Variants in SACM1L observed in about 807,000 individuals in gnomAD.
SACM1L encodes phosphatidylinositol-3-phosphatase SAC1.
In SACM1L, 32 loss-of-function variants were observed where a neutral mutation model predicts 89.5. The observed-to-expected ratio is 0.36, with a 90% CI of 0.27 to 0.48. SACM1L has a LOEUF of 0.48. SACM1L is among the 20% of genes least tolerant of loss of function. SACM1L has a pLI of 0.99. For missense variants in SACM1L, 543 were observed against 708.5 expected, an observed-to-expected ratio of 0.77 and a Z score of 2.65; for synonymous variants, 213 against 232.8, an observed-to-expected ratio of 0.92 and a Z score of 0.77.
At chr3:45,727,752 C>T (rs549561000) in intron 11 of SACM1L, among the ~76,000 whole-genome samples, 7 of 152,290 alleles carry the variant, frequency 4.6e-5, no homozygotes, top group South Asian at 2.1e-4. Context: ...CCCACCACCA[C>T]ACCTGGCTGA....
chr3:45,706,872 T>TA lies in SACM1L; in HGVS notation c.299dup (p.Tyr100Ter). 1 of 1,613,374 alleles carries TA rather than the reference T, an allele frequency of 6.2e-7. No homozygotes were observed. The highest frequency in any genetic ancestry group is 8.5e-7 in the Non-Finnish European group (1 of 1,179,600). ...WKATDFDVLS[Y>*]KKTMLHLTDI... is the part of the protein sequence containing the mutation. ...AGCAACAGATTTTGATGTCCTTTCT[T>TA]ATAAGAAGACAATGTTGCACTTAAC... is the stretch of plus-strand genomic sequence containing the variant. Residue 100 changes from tyrosine (Y) to a stop codon, truncating the protein, a stop_gained and frameshift_variant, in exon 4 of 20, where the codon TAT becomes TAAT. Transcript: ENST00000389061. LOFTEE classifies it high-confidence loss of function.
intron 11 of SACM1L, among the ~76,000 whole-genome samples, chr3:45,724,137 T>G (rs1027132615): frequency 6.6e-6 from 1 of 152,220 alleles, no homozygotes; most frequent in African/African-American, 2.4e-5. Flanking sequence ...TTTAGGCTTA[T>G]ACTTAGAAGT....
rs77455871 is a variant in SACM1L at position 45,708,767 on chromosome 3, T to C, written c.334-731T>C. The stretch of plus-strand genomic sequence containing the variant: ...CATGTCTGAGCACAAATAAAAAATT[T>C]TGTATATGTAGATTTGTAACATGTA... On this transcript the variant is annotated intron_variant, in intron 4 of 19. Coordinates refer to ENST00000389061, the MANE Select transcript of SACM1L (RefSeq NM_014016.5). 5.4e-3 allele frequency among the ~76,000 whole-genome samples: 816 copies of C among 152,290 alleles called. 57 individuals carry two copies. In the East Asian group the frequency reaches 0.13, roughly 24 times the overall value.
intron 13 of SACM1L, 68 bp from the exon 14 acceptor site, chr3:45,735,167 A>G (rs191927433): frequency 2.1e-5 from 30 of 1,405,698 alleles, no homozygotes; most frequent in East Asian, 7.0e-5. Flanking sequence ...GACCCATGTT[A>G]TAAGAGTTAA....
chr3:45,732,479 TTTG>T lies in SACM1L; in HGVS notation c.1100+334_1100+336del, dbSNP rs577002473. On this transcript the variant is annotated intron_variant, in intron 13 of 19. Transcript: ENST00000389061. ...CCACTAGACATTCTATCACAAGTATTTTGTTGTTAACCTGTACAGCGTCTGTAA... is the reference window on the plus strand; with the variant it reads ...CCACTAGACATTCTATCACAAGTATTTTGTTAACCTGTACAGCGTCTGTAA... Among the ~76,000 whole-genome samples, 191 of 152,302 alleles carry T rather than the reference TTTG, an allele frequency of 1.3e-3. 1 individual carries two copies. The highest frequency in any genetic ancestry group is 3.7e-3 in the Admixed American group (57 of 15,292).
At chr3:45,706,167 A>AT (rs1036876143) in intron 3 of SACM1L, among the ~76,000 whole-genome samples, 4 of 152,210 alleles carry the variant, frequency 2.6e-5, no homozygotes, top group African/African-American at 9.6e-5. Context: ...TGAAGAATTA[A>AT]TTGAGTAGGA....
In SACM1L at chr3:45,714,090, A is replaced by G. The variant is rs1252652035; in HGVS notation, c.577+11A>G. On this transcript the variant is annotated intron_variant, in intron 7 of 19. Coordinates refer to ENST00000389061, the MANE Select transcript of SACM1L (RefSeq NM_014016.5). The stretch of plus-strand genomic sequence containing the variant: ...CAGTGTTACATGGCTGTATCCTTAC[A>G]TGATATTACTCTTTAGTTTCTAGAT... 2 of 1,523,130 alleles carry G rather than the reference A, an allele frequency of 1.3e-6. No individual in the cohort carries two copies. Among genetic ancestry groups the G allele is most frequent in the African/African-American group, 1.4e-5 (1 of 72,872 alleles). 94.4% of individuals were successfully genotyped at this position (1,523,130 alleles called of 1,614,324 possible).
chr3:45,694,226 G>A (rs957916536), intron 1 of SACM1L, among the ~76,000 whole-genome samples: 11 of 151,920 alleles, frequency 7.2e-5, no homozygotes, highest in African/African-American at 2.7e-4. Context: ...TGTAAGGCAG[G>A]GAATCCTTTA....
At chr3:45,713,759 T>C (rs1698577880) in intron 6 of SACM1L, 1 of 207,598 alleles carries the variant, frequency 4.8e-6, no homozygotes, top group Non-Finnish European at 9.4e-6. Context: ...GCATGGGATA[T>C]CTTTTCCCTG....
rs2271617 is a variant in SACM1L, at chr3:45,713,511, G to A, written c.543+315G>A. ...CCAGGGCCAAGTTTCCTGGCCAAGG[G>A]GAGAGCTCTTTTTTGTCTTCCTTTG... On this transcript the variant is annotated intron_variant, in intron 6 of 19. Transcript: ENST00000389061. 5.5e-4 allele frequency: 112 copies of A among 202,682 alleles called. No homozygotes were observed. The East Asian group carries it at 0.013, about 23-fold the overall frequency. The allele number at this position is 202,682 out of a possible 1,614,324, so 12.6% of individuals were successfully genotyped here.
At chr3:45,710,331 G>T (rs752321922) in intron 5 of SACM1L, among the ~76,000 whole-genome samples, 3 of 151,756 alleles carry the variant, frequency 2.0e-5, no homozygotes, top group Non-Finnish European at 4.4e-5. Context: ...CTTGTAGGTA[G>T]CTGCAATTAC....
chr3:45,739,181 T>TA (rs1209614395), intron 18 of SACM1L, among the ~76,000 whole-genome samples: 31 of 152,174 alleles, frequency 2.0e-4, no homozygotes, highest in Admixed American at 1.2e-3. Context: ...ACAAACGTGT[T>TA]ACATGGAAGG....
chr3:45,689,928 A>C, intron 1 of SACM1L: 3 of 192,814 alleles, frequency 1.6e-5, no homozygotes, highest in Non-Finnish European at 3.2e-5. Flanking sequence ...AAATCAACAA[A>C]TCTTTGTTTT....
chr3:45,714,243 T>G (rs919082849), intron 7 of SACM1L, among the ~76,000 whole-genome samples, 164 bp downstream of exon 7: 1 of 151,148 alleles, frequency 6.6e-6, no homozygotes, highest in African/African-American at 2.4e-5. Flanking sequence ...TTTTGTTTGT[T>G]TTTTTTTTTT....
chr3:45,702,460 T>G (rs1004041316), intron 1 of SACM1L, among the ~76,000 whole-genome samples: 8 of 152,156 alleles, frequency 5.3e-5, no homozygotes, highest in African/African-American at 1.9e-4. Context: ...AAGATTAGTT[T>G]CTGGAAAAAG....
At chr3:45,738,955 G>A (rs1238272862) in intron 18 of SACM1L, 82 bp downstream of exon 18, 14 of 805,414 alleles carry the variant, frequency 1.7e-5, no homozygotes, top group Middle Eastern at 3.7e-4. Flanking sequence ...AATTTAAAAC[G>A]TTATATGTGG....
At chr3:45,691,933 A>G (rs1244002842) in intron 1 of SACM1L, among the ~76,000 whole-genome samples, 3 of 152,124 alleles carry the variant, frequency 2.0e-5, no homozygotes, top group Admixed American at 2.0e-4. Context: ...GACCTATAGG[A>G]TCAAACTTGC....
Position 45,713,181 on chromosome 3 carries a change from T to C in SACM1L, c.528T>C (p.Leu176=), listed in dbSNP as rs1214621788. 1 of 1,612,380 alleles carries C rather than the reference T, an allele frequency of 6.2e-7. No homozygotes were observed. Among genetic ancestry groups the C allele is most frequent in the Non-Finnish European group, 8.5e-7 (1 of 1,179,540 alleles). ...FVWNGHLLRE[L]SAQPEVHRFA... ...GGAATGGTCATCTTCTAAGAGAACT[T>C]TCTGCACAGCCAGAGGTAATGTACA... Residue 176 remains leucine, a synonymous_variant, in exon 6 of 20, where the codon CTT becomes CTC. Coordinates refer to ENST00000389061, the MANE Select transcript of SACM1L (RefSeq NM_014016.5).
chr3:45,742,510 A>G (rs1436982941), intron 19 of SACM1L, among the ~76,000 whole-genome samples: 5 of 152,212 alleles, frequency 3.3e-5, no homozygotes, highest in Non-Finnish European at 7.3e-5. Flanking sequence ...AAATGAGGCC[A>G]GTAGTGTTGC....
Sources: gnomAD v4.1 joint callset for allele counts (sites outside exome capture counted in the v4.1 genomes callset) on GRCh38, gnomAD v4.1.1 for gene constraint, MANE v1.5 for transcripts, NCBI Gene and HGNC (gene_info 2026-07-23, HGNC 2026-07-21) for gene names.